CLASP1: variants seen among roughly 807,000 people sequenced by gnomAD.
The protein encoded by CLASP1 is cytoplasmic linker associated protein 1.
In CLASP1, 38 loss-of-function variants were observed where a neutral mutation model predicts 192.3. The ratio of observed to expected loss-of-function variants is 0.20; its 90% confidence interval spans 0.15 to 0.26. CLASP1 has a LOEUF of 0.26. Among genes scored for constraint, CLASP1 ranks in the 10% least tolerant of loss-of-function variants. The pLI, the probability that CLASP1 is intolerant of heterozygous loss-of-function variation, is 1.00. For missense variants in CLASP1, 1,433 were observed against 1,932.5 expected (o/e 0.74, Z 4.85); for synonymous variants, 691 against 712.8 (o/e 0.97, Z 0.49).
chr2:121,365,749 G>A (rs2067289562), intron 35 of CLASP1, among the ~76,000 whole-genome samples: 1 of 152,090 alleles, frequency 6.6e-6, no homozygotes, highest in African/African-American at 2.4e-5. Context: ...CATCACATCT[G>A]ATTATCCTCC....
intron 1 of CLASP1, among the ~76,000 whole-genome samples, chr2:121,617,254 A>C (rs2066622880): frequency 6.7e-6 from 1 of 148,150 alleles, no homozygotes; most frequent in Non-Finnish European, 1.5e-5. Flanking sequence ...GATGACAACA[A>C]CTCCTCCTTT....
chr2:121,538,139 G>C (rs765919565), intron 2 of CLASP1, among the ~76,000 whole-genome samples: 4 of 152,134 alleles, frequency 2.6e-5, no homozygotes, highest in Non-Finnish European at 4.4e-5. Context: ...AAGTGGCCAG[G>C]TGTGGTGGCT....
At chr2:121,441,743 T>G (rs2083384820) in intron 19 of CLASP1, among the ~76,000 whole-genome samples, 1 of 151,148 alleles carries the variant, frequency 6.6e-6, no homozygotes, top group African/African-American at 2.4e-5. Context: ...AGACCCTGCC[T>G]TTAAAAAAAA....
intron 34 of CLASP1, among the ~76,000 whole-genome samples, chr2:121,369,475 A>C (rs1037267602): frequency 6.6e-6 from 1 of 152,158 alleles, no homozygotes; most frequent in Non-Finnish European, 1.5e-5. Context: ...TAAAAAAGGT[A>C]AGCCATTGAA....
intron 34 of CLASP1, among the ~76,000 whole-genome samples, chr2:121,370,183 C>A (rs1349752533): frequency 6.6e-6 from 1 of 152,138 alleles, no homozygotes; most frequent in East Asian, 1.9e-4. Flanking sequence ...TATTGGGTTT[C>A]CTTGTTAGGC....
chr2:121,616,059 G>A (rs985323640), intron 1 of CLASP1, among the ~76,000 whole-genome samples: 2 of 152,100 alleles, frequency 1.3e-5, no homozygotes, highest in African/African-American at 4.8e-5. Flanking sequence ...TCATAAATAA[G>A]GAGTTCAAGA....
chr2:121,545,949 C>A (rs960633577), intron 2 of CLASP1, among the ~76,000 whole-genome samples: 1 of 151,722 alleles, frequency 6.6e-6, no homozygotes, highest in African/African-American at 2.4e-5. Context: ...ATTTATAGTT[C>A]TATAGAATGA....
chr2:121,531,718 A>T (rs1295533671), intron 2 of CLASP1, among the ~76,000 whole-genome samples: 2 of 151,794 alleles, frequency 1.3e-5, no homozygotes, highest in Admixed American at 6.6e-5. Flanking sequence ...AAATACAAAA[A>T]TTAGCTGGGC....
intron 28 of CLASP1, 116 bp downstream of exon 29, chr2:121,401,393 G>T: frequency 1.3e-6 from 1 of 742,308 alleles, no homozygotes; most frequent in Non-Finnish European, 2.2e-6. Flanking sequence ...AGTGAGAACT[G>T]AGTAAAAGAG....
chr2:121,492,959 C>G (rs941019722), intron 8 of CLASP1, among the ~76,000 whole-genome samples: 1 of 152,160 alleles, frequency 6.6e-6, no homozygotes, highest in African/African-American at 2.4e-5. Flanking sequence ...TTGCAGCTAT[C>G]TGTGACTATA....
At chr2:121,639,583 A>C (rs538215535) in intron 1 of CLASP1, among the ~76,000 whole-genome samples, 1 of 152,288 alleles carries the variant, frequency 6.6e-6, no homozygotes, top group Non-Finnish European at 1.5e-5. Flanking sequence ...GGTTTAGGCC[A>C]GGCACAGTGG....
chr2:121,414,266 G>A (rs2078191961), intron 23 of CLASP1, among the ~76,000 whole-genome samples, 63 bp from the exon 24 acceptor site: 1 of 152,116 alleles, frequency 6.6e-6, no homozygotes, highest in African/African-American at 2.4e-5. Context: ...GACAGAAAAT[G>A]CCACAGTCCA....
At position 121,531,077 on chromosome 2, in the gene CLASP1, G is replaced by C. The variant is rs548341094; in HGVS notation, c.196-752C>G. 7.7e-5 allele frequency: 53 copies of C among 686,996 alleles called. No homozygotes were observed. The Admixed American group carries it at 9.1e-4, about 12-fold the overall frequency. 42.6% of individuals were successfully genotyped at this position (686,996 alleles called of 1,614,324 possible). ...TTCGTAAATAAACTAGTACTTTGTG[G>C]TTAAACCAGTAGAGGGTGCACAAGA... On this transcript the variant is annotated intron_variant, in intron 2 of 39. Transcript: ENST00000263710.
chr2:121,579,287 A>G (rs957689264), intron 2 of CLASP1, among the ~76,000 whole-genome samples: 3 of 152,204 alleles, frequency 2.0e-5, no homozygotes, highest in Admixed American at 2.0e-4. Context: ...ATTCCTTCAC[A>G]TATGGAATCC....
At chr2:121,523,876 C>T (rs1575646051) in intron 6 of CLASP1, among the ~76,000 whole-genome samples, 1 of 152,246 alleles carries the variant, frequency 6.6e-6, no homozygotes, top group African/African-American at 2.4e-5. Context: ...TGAGCTCTCG[C>T]TAAATATATG....
At chr2:121,363,364 C>T (rs2066766824) in intron 36 of CLASP1, 64 bp from the exon 38 acceptor site, 5 of 1,593,472 alleles carry the variant, frequency 3.1e-6, no homozygotes, top group Non-Finnish European at 4.3e-6. Context: ...ACACAGCAGT[C>T]AGCAGGGTCG....
intron 2 of CLASP1, among the ~76,000 whole-genome samples, chr2:121,545,356 G>T (rs1258998754): frequency 2.0e-5 from 3 of 151,996 alleles, no homozygotes; most frequent in East Asian, 1.9e-4. Flanking sequence ...TATTTGTTTG[G>T]TTTTTTTAAT....
At chr2:121,464,307 C>T (rs1202377750) in intron 9 of CLASP1, among the ~76,000 whole-genome samples, 5 of 151,990 alleles carry the variant, frequency 3.3e-5, no homozygotes, top group African/African-American at 4.8e-5. Context: ...AATAAACATA[C>T]GTGTGCATGT....
chr2:121,624,188 G>C (rs1337397074), intron 1 of CLASP1, among the ~76,000 whole-genome samples: 2 of 151,622 alleles, frequency 1.3e-5, no homozygotes, highest in Non-Finnish European at 2.9e-5. Context: ...TTTGGATTTA[G>C]TGTATTCTTC....
Sources: allele counts gnomAD v4.1 joint callset (sites outside exome capture counted in the v4.1 genomes callset), GRCh38; gene constraint gnomAD v4.1.1; transcripts MANE v1.5; gene names NCBI Gene and HGNC (gene_info 2026-07-23, HGNC 2026-07-21).